BLM: variants seen among roughly 807,000 people sequenced by gnomAD.
BLM encodes BLM RecQ like helicase, also known as recQ-like DNA helicase BLM.
A neutral mutation model predicts 135.3 loss-of-function variants in BLM; 95 were observed. The ratio of observed to expected loss-of-function variants is 0.70; its 90% CI spans 0.59 to 0.83. BLM has a LOEUF of 0.83. BLM is among the 40% of genes least tolerant of loss of function. The pLI is 0.00. For missense variants in BLM, 1,518 were observed against 1,663.9 expected, an observed-to-expected ratio of 0.91 and a Z score of 1.53; for synonymous variants, 520 against 589.2, an observed-to-expected ratio of 0.88 and a Z score of 1.70.
At chr15:90,723,688 T>C (rs1011489665) in intron 1 of BLM, among the ~76,000 whole-genome samples, 5 of 152,138 alleles carry the variant, frequency 3.3e-5, no homozygotes, top group Admixed American at 2.6e-4. Context: ...TTTCTTAACC[T>C]CTTAACAGAG....
chr15:90,743,027 G>T (rs1414991426), intron 1 of BLM, among the ~76,000 whole-genome samples: 2 of 147,276 alleles, frequency 1.4e-5, no homozygotes. Flanking sequence ...TAAACACAGG[G>T]TCTCACTGTC....
At chr15:90,728,038 A>G (rs1009231196) in intron 1 of BLM, among the ~76,000 whole-genome samples, 2 of 151,828 alleles carry the variant, frequency 1.3e-5, no homozygotes, top group Non-Finnish European at 2.9e-5. Context: ...ACGACTTTCA[A>G]TTTTCTTTTC....
chr15:90,775,602 C>G (rs1896455266), intron 12 of BLM, among the ~76,000 whole-genome samples: 4 of 151,844 alleles, frequency 2.6e-5, no homozygotes, highest in Admixed American at 1.3e-4. Flanking sequence ...ATCTCCACCT[C>G]CCGAGTTCAA....
At chr15:90,753,257 AAAAG>A (rs1895735550) in intron 4 of BLM, among the ~76,000 whole-genome samples, 1 of 152,282 alleles carries the variant, frequency 6.6e-6, no homozygotes, top group South Asian at 2.1e-4. Flanking sequence ...TAAAAAATTA[AAAAG>A]AGAGAGAGAA....
intron 1 of BLM, among the ~76,000 whole-genome samples, chr15:90,740,541 A>G (rs754530015): frequency 6.6e-6 from 1 of 152,146 alleles, no homozygotes; most frequent in African/African-American, 2.4e-5. Flanking sequence ...CCTGTGAACA[A>G]TTTGTGTACA....
In BLM at chr15:90,789,987, GTTTTTTTTTTTTTTTTTTT is replaced by G. The variant is rs61059865; in HGVS notation, c.2824-644_2824-626del. Reference sequence around the variant, plus strand: ...AGGTCTAAGATCCGCAGTCCCTGGTGTTTTTTTTTTTTTTTTTTTTTTTTTTTTTTTTTTTTGGTATAAG... The same window carrying G: ...AGGTCTAAGATCCGCAGTCCCTGGTGTTTTTTTTTTTTTTTTTGGTATAAG... On this transcript the variant is annotated intron_variant, in intron 14 of 21. Coordinates refer to ENST00000355112, the MANE Select transcript of BLM (RefSeq NM_000057.4). 4.7e-4 allele frequency among the ~76,000 whole-genome samples: 27 copies of G among 57,358 alleles called. 2 individuals are homozygous for G. The highest frequency in any genetic ancestry group is 1.4e-3 in the Admixed American group (6 of 4,190). 37.6% of individuals were successfully genotyped at this position (57,358 alleles called of 152,430 possible).
intron 1 of BLM, among the ~76,000 whole-genome samples, chr15:90,717,960 G>C (rs1242276349): frequency 6.6e-6 from 1 of 152,200 alleles, no homozygotes; most frequent in Non-Finnish European, 1.5e-5. Context: ...AAGTGCTTAA[G>C]AATACTGCAT....
chr15:90,722,922 C>G (rs566559642), intron 1 of BLM, among the ~76,000 whole-genome samples: 2 of 152,184 alleles, frequency 1.3e-5, no homozygotes, highest in African/African-American at 4.8e-5. Context: ...CTCACTGCAA[C>G]CTCTGCTTCC....
intron 17 of BLM, among the ~76,000 whole-genome samples, chr15:90,801,542 A>C (rs1016144754): frequency 6.6e-6 from 1 of 152,172 alleles, no homozygotes; most frequent in Non-Finnish European, 1.5e-5. Flanking sequence ...AATTCAGAGA[A>C]GAATAAAACA....
chr15:90,726,179 T>A (rs1400706576), intron 1 of BLM, among the ~76,000 whole-genome samples: 4 of 152,330 alleles, frequency 2.6e-5, no homozygotes, highest in African/African-American at 9.6e-5. Flanking sequence ...TATTTGAAAC[T>A]GTATAGTACA....
intron 12 of BLM, among the ~76,000 whole-genome samples, chr15:90,775,086 C>G (rs1263088709): frequency 6.6e-6 from 1 of 152,140 alleles, no homozygotes. Flanking sequence ...TAGAGCAGCC[C>G]TTCAGGAACT....
chr15:90,794,567 TA>T (rs1375951000), intron 16 of BLM, among the ~76,000 whole-genome samples: 1 of 151,798 alleles, frequency 6.6e-6, no homozygotes, highest in East Asian at 1.9e-4. Context: ...TTAAAAAATA[TA>T]ATGGACATCA....
chr15:90,727,388 A>G (rs532148459), intron 1 of BLM, among the ~76,000 whole-genome samples: 26 of 152,238 alleles, frequency 1.7e-4, no homozygotes, highest in African/African-American at 5.8e-4. Flanking sequence ...TATTTCATAG[A>G]TATAACTTGT....
At chr15:90,721,981 T>C (rs1394702049) in intron 1 of BLM, among the ~76,000 whole-genome samples, 2 of 150,706 alleles carry the variant, frequency 1.3e-5, no homozygotes, top group African/African-American at 4.9e-5. Context: ...TTTGTAAAAA[T>C]ATACATAATT....
intron 14 of BLM, among the ~76,000 whole-genome samples, chr15:90,786,789 A>G (rs1022989743): frequency 6.6e-6 from 1 of 151,096 alleles, no homozygotes; most frequent in Non-Finnish European, 1.5e-5. Context: ...TTATTTTTGT[A>G]TTTTTAGTAG....
At chr15:90,798,152 C>T (rs757841133) in intron 16 of BLM, 38 bp from the exon 17 acceptor site, 1 of 1,554,302 alleles carries the variant, frequency 6.4e-7, no homozygotes, top group East Asian at 2.3e-5. Flanking sequence ...GCATTGTTAC[C>T]TTAATTATAG....
chr15:90,806,287 G>A (rs1897283418), intron 19 of BLM, among the ~76,000 whole-genome samples: 1 of 152,148 alleles, frequency 6.6e-6, no homozygotes, highest in African/African-American at 2.4e-5. Flanking sequence ...GAGGTGGACG[G>A]ATTGCCTGAG....
At chr15:90,793,624 A>T (rs28385097) in intron 15 of BLM, among the ~76,000 whole-genome samples, 1 of 152,236 alleles carries the variant, frequency 6.6e-6, no homozygotes, top group Non-Finnish European at 1.5e-5. Context: ...GCTAATAGGA[A>T]TGTAGCACAA....
rs557057587 is a variant in BLM at position 90,815,245 on chromosome 15, G to C, written c.4220G>C (p.Arg1407Thr). 6.8e-6 allele frequency: 11 copies of C among 1,614,058 alleles called. No individual in the cohort carries two copies. Among genetic ancestry groups the C allele is most frequent in the Non-Finnish European group, 9.3e-6 (11 of 1,180,014 alleles). ...GIMAPPKPIN[R>T]PFLKPSYAFS ...ATGGCTCCACCGAAGCCTATAAATA[G>C]ACCGTTTCTTAAGCCTTCATATGCA... The change falls in exon 22 of 22, where the codon AGA becomes ACA. Residue 1407 changes from arginine (R) to threonine (T), a missense_variant. By Grantham distance (71) the Arg-to-Thr change is moderately conservative. Coordinates refer to ENST00000355112, the MANE Select transcript of BLM (RefSeq NM_000057.4). The surrounding 1 kb of genome is among the most constrained non-coding windows in gnomAD (Gnocchi z 4.6).
Sources: gnomAD v4.1 joint callset for allele counts (sites outside exome capture counted in the v4.1 genomes callset) on GRCh38, gnomAD v4.1.1 for gene constraint, Gnocchi (gnomAD v3.1) non-coding constraint, MANE v1.5 for transcripts, NCBI Gene and HGNC (gene_info 2026-07-23, HGNC 2026-07-21) for gene names.